The following RARB variants were observed in gnomAD, a reference collection of about 807,000 sequenced individuals.
RARB encodes HBV-activated protein.
RARB carries 17 observed loss-of-function variants against 51.9 expected under a neutral mutation model. The observed-to-expected ratio is 0.33, with a 90% CI of 0.22 to 0.49. The LOEUF (loss-of-function observed/expected upper bound fraction) is 0.49, where lower values mean the gene tolerates loss of function less well. Among genes scored for constraint, RARB ranks in the 20% least tolerant of loss-of-function variants. RARB has a pLI of 0.99. For missense variants in RARB, 369 were observed against 550.8 expected (o/e 0.67, Z 3.30); for synonymous variants, 215 against 195.4 (o/e 1.10, Z -0.84).
chr3:25,196,560 A>G (rs1701243154), intron 5 of RARB, among the ~76,000 whole-genome samples: 1 of 152,096 alleles, frequency 6.6e-6, no homozygotes. Context: ...TAGCAACATG[A>G]TTTATAATCC....
intron 2 of RARB, among the ~76,000 whole-genome samples, chr3:24,886,672 G>A (rs559355911): frequency 5.9e-5 from 9 of 152,084 alleles, no homozygotes; most frequent in African/African-American, 2.2e-4. Flanking sequence ...CAACTCCTGA[G>A]AGTGAGTGAT....
intron 5 of RARB, among the ~76,000 whole-genome samples, chr3:25,243,669 G>C (rs146287992): frequency 1.3e-5 from 2 of 152,060 alleles, no homozygotes; most frequent in Non-Finnish European, 2.9e-5. Context: ...TGACTTGGTC[G>C]TGGTGGATAA....
At chr3:25,510,490 G>C (rs146254947) in intron 3 of RARB, among the ~76,000 whole-genome samples, 1 of 151,962 alleles carries the variant, frequency 6.6e-6, no homozygotes, top group Middle Eastern at 3.2e-3. Flanking sequence ...GCCGGGCATG[G>C]TGGTGAGCCT....
At chr3:25,205,956 T>C (rs1412733694) in intron 5 of RARB, among the ~76,000 whole-genome samples, 3 of 152,158 alleles carry the variant, frequency 2.0e-5, no homozygotes, top group African/African-American at 7.2e-5. Flanking sequence ...ATAGGCTTTA[T>C]GTCAGATGAT....
chr3:25,057,309 A>G (rs772701403), intron 2 of RARB, among the ~76,000 whole-genome samples: 17 of 152,028 alleles, frequency 1.1e-4, no homozygotes, highest in Admixed American at 3.3e-4. Flanking sequence ...AAGATGCTCC[A>G]TCATTAAGGG....
intron 3 of RARB, chr3:25,060,213 A>T (rs1211122790): frequency 6.6e-6 from 1 of 151,810 alleles, no homozygotes; most frequent in East Asian, 1.9e-4. Context: ...ACATTTGAAC[A>T]AATATTTTGA....
chr3:25,243,938 C>T (rs1702491936), intron 5 of RARB, among the ~76,000 whole-genome samples: 2 of 152,084 alleles, frequency 1.3e-5, no homozygotes, highest in African/African-American at 4.8e-5. Flanking sequence ...TCCATCTGTT[C>T]CTGGGCTCTT....
intron 3 of RARB, among the ~76,000 whole-genome samples, chr3:25,559,391 T>C (rs76567215): frequency 0.035 from 5,306 of 152,284 alleles, 324 homozygotes; most frequent in African/African-American, 0.12. Context: ...AGCTTCCTCA[T>C]CTGTGAGTCT....
chr3:24,933,216 T>C (rs995305908), intron 2 of RARB, among the ~76,000 whole-genome samples: 2 of 152,146 alleles, frequency 1.3e-5, no homozygotes, highest in African/African-American at 4.8e-5. Flanking sequence ...TGCATCATTT[T>C]AGTCTCTGAA....
At chr3:25,091,994 T>C (rs562710727) in intron 3 of RARB, among the ~76,000 whole-genome samples, 3 of 152,276 alleles carry the variant, frequency 2.0e-5, no homozygotes, top group Middle Eastern at 3.4e-3. Flanking sequence ...AGAAACCAGT[T>C]GCAGCACAAT....
intron 2 of RARB, among the ~76,000 whole-genome samples, chr3:25,042,551 TAG>T (rs1698134113): frequency 6.6e-6 from 1 of 152,320 alleles, no homozygotes; most frequent in African/African-American, 2.4e-5. Flanking sequence ...ATCTTCAGAT[TAG>T]AGATATGATA....
rs769275874 is a variant in RARB at position 24,989,774 on chromosome 3, C to CTTT, written c.-379-70317_-379-70315dup. On this transcript the variant is annotated intron_variant, in intron 2 of 11. Transcript: ENST00000383772. ...ATTTTAACTGTTGTCATATGTTTTT[C>CTTT]TTTTTTTTTTTTTTTTTTTTTTTTT... 1.1e-3 allele frequency among the ~76,000 whole-genome samples: 32 copies of CTTT among 29,530 alleles called. 10 individuals are homozygous for CTTT. The highest frequency in any genetic ancestry group is 1.3e-3 in the Non-Finnish European group (21 of 16,224). 19.4% of individuals were successfully genotyped at this position (29,530 alleles called of 152,430 possible).
At chr3:25,447,018 GAAAA>G (rs11311604) in intron 1 of RARB, among the ~76,000 whole-genome samples, 1 of 146,792 alleles carries the variant, frequency 6.8e-6, no homozygotes, top group Non-Finnish European at 1.5e-5. Flanking sequence ...TTTAAAAAAA[GAAAA>G]AAAAAAACTG....
intron 2 of RARB, among the ~76,000 whole-genome samples, chr3:24,869,351 G>C (rs1305686121): frequency 6.6e-6 from 1 of 152,100 alleles, no homozygotes; most frequent in African/African-American, 2.4e-5. Context: ...CTAGAGTGTA[G>C]AATTTATGGT....
At chr3:25,508,680 AT>A (rs1364357578) in intron 3 of RARB, among the ~76,000 whole-genome samples, 1 of 152,076 alleles carries the variant, frequency 6.6e-6, no homozygotes, top group Non-Finnish European at 1.5e-5. Flanking sequence ...CACTGTGATC[AT>A]TTTGTTCTGT....
intron 2 of RARB, among the ~76,000 whole-genome samples, chr3:24,918,817 G>T (rs1171646138): frequency 2.0e-5 from 3 of 152,186 alleles, no homozygotes; most frequent in African/African-American, 7.2e-5. Flanking sequence ...CTTGAACCCA[G>T]GATGCAGAGG....
Position 25,482,521 on chromosome 3 carries a change from A to ATTT in RARB, c.307-18627_307-18625dup, listed in dbSNP as rs71087718. Among the ~76,000 whole-genome samples the ATTT allele has an allele frequency of 7.6e-3, 502 of 65,742 alleles. 109 individuals are homozygous for ATTT. The highest frequency in any genetic ancestry group is 0.03 in the African/African-American group (433 of 14,236). 43.1% of individuals were successfully genotyped at this position (65,742 alleles called of 152,430 possible). ...TAACTTTAAATTTTCTAGCAGCCAA[A>ATTT]TTTTTTTTTTTTTTTTTTTTTTTTT... On this transcript the variant is annotated intron_variant, in intron 2 of 7. Transcript: ENST00000330688.
chr3:25,245,600 T>A (rs1330986829), intron 5 of RARB, among the ~76,000 whole-genome samples: 2 of 152,140 alleles, frequency 1.3e-5, no homozygotes, highest in Non-Finnish European at 2.9e-5. Context: ...GGATTGAAAA[T>A]TTTTTTATTT....
intron 2 of RARB, among the ~76,000 whole-genome samples, chr3:24,954,469 T>G (rs1057075424): frequency 6.6e-6 from 1 of 152,192 alleles, no homozygotes; most frequent in African/African-American, 2.4e-5. Context: ...CTGAGTCCTC[T>G]TTAGAAAAAG....
Sources: allele counts gnomAD v4.1 joint callset (sites outside exome capture counted in the v4.1 genomes callset), GRCh38; gene constraint gnomAD v4.1.1; transcripts MANE v1.5; gene names NCBI Gene and HGNC (gene_info 2026-07-23, HGNC 2026-07-21).